The following PRKG1 variants were observed in gnomAD, a reference collection of about 807,000 sequenced individuals.
The protein encoded by PRKG1 is cGMP-dependent protein kinase 1.
In PRKG1, 35 loss-of-function variants were observed where a neutral mutation model predicts 88.1. The ratio of observed to expected loss-of-function variants is 0.40; its 90% CI spans 0.30 to 0.53. PRKG1 has a LOEUF of 0.53. Among genes scored for constraint, PRKG1 ranks in the 20% least tolerant of loss-of-function variants. PRKG1 has a pLI of 0.59. For synonymous variants in PRKG1, 303 were observed against 292.5 expected, an observed-to-expected ratio of 1.04 and a Z score of -0.37; for missense variants, 540 against 839.8, an observed-to-expected ratio of 0.64 and a Z score of 4.41.
intron 2 of PRKG1, among the ~76,000 whole-genome samples, chr10:51,350,554 A>G (rs567918023): frequency 6.6e-6 from 1 of 152,342 alleles, no homozygotes; most frequent in South Asian, 2.1e-4. Context: ...TTGTTACTCA[A>G]CATAGTACTG....
At chr10:52,168,627 T>C (rs1312675561) in intron 9 of PRKG1, among the ~76,000 whole-genome samples, 1 of 151,740 alleles carries the variant, frequency 6.6e-6, no homozygotes, top group Non-Finnish European at 1.5e-5. Context: ...GGGTGTACAT[T>C]GAAAGCAGGG....
At chr10:52,115,334 G>T (rs975211766) in intron 7 of PRKG1, among the ~76,000 whole-genome samples, 10 of 152,002 alleles carry the variant, frequency 6.6e-5, no homozygotes, top group African/African-American at 2.4e-4. Context: ...GGACATTTGT[G>T]TAGTCGATAT....
chr10:51,518,122 C>G (rs191194276), intron 3 of PRKG1, among the ~76,000 whole-genome samples: 1 of 152,094 alleles, frequency 6.6e-6, no homozygotes, highest in Non-Finnish European at 1.5e-5. Context: ...CTCAGCCTCC[C>G]GAGTAGCTGG....
At chr10:52,222,454 T>C (rs1252189738) in intron 9 of PRKG1, among the ~76,000 whole-genome samples, 1 of 152,184 alleles carries the variant, frequency 6.6e-6, no homozygotes, top group Non-Finnish European at 1.5e-5. Context: ...CATTTTCTGA[T>C]GAATGTTTCT....
At chr10:51,738,559 G>A (rs1837350981) in intron 3 of PRKG1, among the ~76,000 whole-genome samples, 1 of 152,166 alleles carries the variant, frequency 6.6e-6, no homozygotes, top group Non-Finnish European at 1.5e-5. Context: ...TTTGTTTGCT[G>A]TTTTACATGG....
At chr10:51,000,592 C>T (rs914706133) in intron 1 of PRKG1, among the ~76,000 whole-genome samples, 1 of 152,060 alleles carries the variant, frequency 6.6e-6, no homozygotes, top group African/African-American at 2.4e-5. Flanking sequence ...ATTGGTGGCA[C>T]CAGGGATGCT....
intron 5 of PRKG1, among the ~76,000 whole-genome samples, chr10:51,987,405 A>G (rs1337089985): frequency 6.6e-6 from 1 of 151,946 alleles, no homozygotes; most frequent in African/African-American, 2.4e-5. Context: ...CTTATGTTCT[A>G]TACGTGGTAG....
chr10:51,725,636 T>TC (rs1325807627), intron 3 of PRKG1, among the ~76,000 whole-genome samples: 1 of 151,292 alleles, frequency 6.6e-6, no homozygotes, highest in Non-Finnish European at 1.5e-5. Context: ...TTCTTTTTTT[T>TC]TTTTGTGGGG....
intron 3 of PRKG1, among the ~76,000 whole-genome samples, chr10:51,742,712 T>C (rs376006561): frequency 8.6e-5 from 13 of 151,850 alleles, no homozygotes; most frequent in African/African-American, 3.1e-4. Context: ...GGTGTAAAGG[T>C]GTAGTATGGG....
At chr10:51,633,410 C>T (rs547300703) in intron 3 of PRKG1, among the ~76,000 whole-genome samples, 1 of 152,096 alleles carries the variant, frequency 6.6e-6, no homozygotes, top group South Asian at 2.1e-4. Context: ...AAATATAAAG[C>T]ATTGCAAACT....
At chr10:51,909,798 T>A (rs1842175860) in intron 5 of PRKG1, 1 of 152,012 alleles carries the variant, frequency 6.6e-6, no homozygotes, top group Admixed American at 6.5e-5. Flanking sequence ...TCAGCAAAGC[T>A]TGGATTTTAA....
At chr10:51,157,391 T>C (rs1846240965) in intron 2 of PRKG1, among the ~76,000 whole-genome samples, 1 of 151,986 alleles carries the variant, frequency 6.6e-6, no homozygotes, top group Non-Finnish European at 1.5e-5. Context: ...TAGTATATTT[T>C]AGTGAGTCTT....
At chr10:51,396,773 G>T (rs2132659040) in intron 2 of PRKG1, among the ~76,000 whole-genome samples, 1 of 152,322 alleles carries the variant, frequency 6.6e-6, no homozygotes, top group Non-Finnish European at 1.5e-5. Context: ...CACAAGTGTG[G>T]CTAACAATAA....
At chr10:51,114,416 G>A (rs1423755512) in intron 1 of PRKG1, among the ~76,000 whole-genome samples, 1 of 139,116 alleles carries the variant, frequency 7.2e-6, no homozygotes, top group Non-Finnish European at 1.6e-5. Flanking sequence ...TGTATTGATT[G>A]TCTGCTACCC....
chr10:51,501,596 T>C (rs964165888), intron 3 of PRKG1, among the ~76,000 whole-genome samples: 1 of 152,170 alleles, frequency 6.6e-6, no homozygotes, highest in African/African-American at 2.4e-5. Context: ...GCCATGTTTG[T>C]GCTGGCTCCT....
At chr10:51,699,453 T>G (rs746593936) in intron 3 of PRKG1, 14 of 1,614,014 alleles carry the variant, frequency 8.7e-6, no homozygotes. Flanking sequence ...AAAATGTCCT[T>G]TAACTGCTCC....
intron 5 of PRKG1, among the ~76,000 whole-genome samples, chr10:51,930,560 G>A (rs558575801): frequency 1.5e-5 from 2 of 136,676 alleles, no homozygotes; most frequent in African/African-American, 2.8e-5. Context: ...GCATGACCTC[G>A]GCTCACTGCA....
intron 3 of PRKG1, among the ~76,000 whole-genome samples, chr10:51,803,874 T>C (rs1310660277): frequency 4.6e-5 from 7 of 152,184 alleles, no homozygotes; most frequent in African/African-American, 1.4e-4. Flanking sequence ...TGTTACAAAC[T>C]ATAACATTTG....
chr10:51,004,908 C>T (rs967127966), intron 1 of PRKG1, among the ~76,000 whole-genome samples: 6 of 152,034 alleles, frequency 3.9e-5, no homozygotes, highest in Non-Finnish European at 8.8e-5. Context: ...TATTCTAGCT[C>T]CCACTTGGGA....
Sources: allele counts gnomAD v4.1 joint callset (sites outside exome capture counted in the v4.1 genomes callset), GRCh38; gene constraint gnomAD v4.1.1; transcripts MANE v1.5; gene names NCBI Gene and HGNC (gene_info 2026-07-23, HGNC 2026-07-21).